Variants in SV2C observed in about 807,000 individuals in gnomAD.
The protein encoded by SV2C is synaptic vesicle glycoprotein 2C.
SV2C carries 49 observed loss-of-function variants against 79.7 expected under a neutral mutation model. That is an observed-to-expected ratio of 0.61 (90% CI 0.49 to 0.78). SV2C has a LOEUF of 0.78. SV2C is among the 30% of genes least tolerant of loss of function. SV2C has a pLI of 0.00. For synonymous variants in SV2C, 334 were observed against 333.2 expected, an observed-to-expected ratio of 1.00 and a Z score of -0.03; for missense variants, 833 against 912.9, an observed-to-expected ratio of 0.91 and a Z score of 1.13.
chr5:76,249,639 CT>C (rs1746052615), intron 4 of SV2C, among the ~76,000 whole-genome samples: 1 of 152,108 alleles, frequency 6.6e-6, no homozygotes, highest in Admixed American at 6.5e-5. Context: ...CAAAAATATA[CT>C]GAAAATATAT....
At chr5:75,898,127 G>A in the SV2C span, among the ~76,000 whole-genome samples, 1 of 152,176 alleles carries the variant, frequency 6.6e-6, no homozygotes, top group Non-Finnish European at 1.5e-5. Flanking sequence ...TAGTGAGAGA[G>A]GGCATCCCTG....
At chr5:75,888,044 T>A in the SV2C span, among the ~76,000 whole-genome samples, 4 of 152,140 alleles carry the variant, frequency 2.6e-5, no homozygotes, top group Admixed American at 2.6e-4. Flanking sequence ...ATTGTTTTTT[T>A]AAAAAGGAGA....
intron 4 of SV2C, among the ~76,000 whole-genome samples, chr5:76,246,264 C>T (rs1291322623): frequency 2.6e-5 from 4 of 152,110 alleles, no homozygotes; most frequent in Non-Finnish European, 4.4e-5. Context: ...TGTGGGTCTG[C>T]GGTTACCTTT....
chr5:75,848,566 TTTAAG>T, the SV2C span, among the ~76,000 whole-genome samples: 1 of 152,216 alleles, frequency 6.6e-6, no homozygotes, highest in Non-Finnish European at 1.5e-5. Context: ...AAGTTCTTGT[TTTAAG>T]TTGTCTGCCA....
chr5:76,037,099 C>G, the SV2C span, among the ~76,000 whole-genome samples: 3 of 152,170 alleles, frequency 2.0e-5, no homozygotes, highest in Non-Finnish European at 4.4e-5. Context: ...GCTCCATCAG[C>G]TCCTTTAAGC....
the SV2C span, among the ~76,000 whole-genome samples, chr5:76,048,862 T>TGG: frequency 1.5e-5 from 1 of 65,872 alleles, no homozygotes; most frequent in African/African-American, 6.1e-5. Context: ...AGGAAGGGGG[T>TGG]GAGAGAGAGA....
intron 10 of SV2C, among the ~76,000 whole-genome samples, chr5:76,299,774 A>G (rs768899987): frequency 3.3e-5 from 5 of 152,192 alleles, no homozygotes; most frequent in Admixed American, 6.5e-5. Context: ...CTTCTAACCC[A>G]TTAAACCTCA....
At chr5:76,173,981 C>T in intron 2 of SV2C, 1 of 1,554,782 alleles carries the variant, frequency 6.4e-7, no homozygotes, top group South Asian at 1.1e-5. Context: ...GTATAAATCC[C>T]TCATTGCTGT....
chr5:76,144,014 G>A (rs999915966), intron 2 of SV2C, among the ~76,000 whole-genome samples: 2 of 51,014 alleles, frequency 3.9e-5, no homozygotes, highest in Non-Finnish European at 1.8e-4. Flanking sequence ...AAACTTGATG[G>A]CCTAATTTTC....
At chr5:76,269,386 C>T (rs1746770835) in intron 4 of SV2C, among the ~76,000 whole-genome samples, 1 of 152,106 alleles carries the variant, frequency 6.6e-6, no homozygotes, top group African/African-American at 2.4e-5. Flanking sequence ...GACATACTTA[C>T]ACTAAAAACG....
At chr5:76,333,996 A>ACC (rs1335094070), downstream of SV2C, 1 of 152,014 alleles carries the variant, frequency 6.6e-6, no homozygotes, top group Non-Finnish European at 1.5e-5. Flanking sequence ...GCATGAATTG[A>ACC]CCCTTCAAAA....
At chr5:75,885,803 T>A in the SV2C span, among the ~76,000 whole-genome samples, 1 of 152,112 alleles carries the variant, frequency 6.6e-6, no homozygotes, top group African/African-American at 2.4e-5. Context: ...CATCTCAGAC[T>A]CTTCCCAGTT....
chr5:76,014,169 G>GA, the SV2C span, among the ~76,000 whole-genome samples: 1 of 140,036 alleles, frequency 7.1e-6, no homozygotes, highest in Non-Finnish European at 1.5e-5. Flanking sequence ...AGGAAGGAAG[G>GA]AAGAAAGAAA....
the SV2C span, among the ~76,000 whole-genome samples, chr5:75,984,549 CTATCTATCTATCTATCTA>C: frequency 6.9e-5 from 8 of 115,420 alleles, no homozygotes; most frequent in Non-Finnish European, 1.1e-4. Context: ...ATCTATCTAT[CTATCTATCTATCTATCTA>C]TATCTATCTA....
chr5:75,944,617 C>A, the SV2C span, among the ~76,000 whole-genome samples: 1 of 152,076 alleles, frequency 6.6e-6, no homozygotes, highest in Non-Finnish European at 1.5e-5. Context: ...AGAAGGGTTT[C>A]ATGGATTTTT....
intron 1 of SV2C, among the ~76,000 whole-genome samples, chr5:76,115,998 G>A (rs1748251336): frequency 6.6e-6 from 1 of 152,160 alleles, no homozygotes; most frequent in African/African-American, 2.4e-5. Flanking sequence ...AGCCTTAATT[G>A]GGCTTCTCTT....
At chr5:75,920,122 T>C in the SV2C span, among the ~76,000 whole-genome samples, 1 of 152,188 alleles carries the variant, frequency 6.6e-6, no homozygotes, top group Non-Finnish European at 1.5e-5. Context: ...TAAGAATCTA[T>C]GGACAGGAAC....
At chr5:75,891,639 G>A in the SV2C span, among the ~76,000 whole-genome samples, 1 of 151,982 alleles carries the variant, frequency 6.6e-6, no homozygotes, top group South Asian at 2.1e-4. Context: ...GGAAAAACTT[G>A]AGTTATAACA....
chr5:76,348,895 G>A (rs970458914), intron 12 of SV2C, among the ~76,000 whole-genome samples: 1 of 152,180 alleles, frequency 6.6e-6, no homozygotes. Context: ...AGCTACTTGG[G>A]AGGCTGAGGC....
Sources: allele counts gnomAD v4.1 joint callset (sites outside exome capture counted in the v4.1 genomes callset), GRCh38; gene constraint gnomAD v4.1.1; transcripts MANE v1.5; gene names NCBI Gene and HGNC (gene_info 2026-07-23, HGNC 2026-07-21).